PIK3C2G: variants seen among roughly 807,000 people sequenced by gnomAD.
PIK3C2G encodes phosphatidylinositol-4-phosphate 3-kinase catalytic subunit type 2 gamma.
A neutral mutation model predicts 181.1 loss-of-function variants in PIK3C2G; 168 were observed. The observed-to-expected ratio is 0.93, with a 90% CI of 0.82 to 1.05. PIK3C2G has a LOEUF of 1.05. PIK3C2G is among the 50% of genes least tolerant of loss of function. PIK3C2G has a pLI of 0.00. For synonymous variants in PIK3C2G, 573 were observed against 592.2 expected (o/e 0.97, Z 0.47); for missense variants, 1,869 against 1,732.8 (o/e 1.08, Z -1.40).
chr12:18,484,608 C>T (rs1430751728), intron 18 of PIK3C2G, among the ~76,000 whole-genome samples: 11 of 152,110 alleles, frequency 7.2e-5, no homozygotes, highest in Admixed American at 7.2e-4. Context: ...ACAGTTAGTG[C>T]TGCTATTTCT....
At chr12:18,484,029 C>T (rs954907809) in intron 18 of PIK3C2G, among the ~76,000 whole-genome samples, 2 of 152,150 alleles carry the variant, frequency 1.3e-5, no homozygotes, top group Non-Finnish European at 2.9e-5. Flanking sequence ...AAACCGGAGG[C>T]CAAACCAAAT....
the PIK3C2G span, among the ~76,000 whole-genome samples, chr12:18,719,035 T>C: frequency 2.6e-5 from 4 of 152,214 alleles, no homozygotes; most frequent in Non-Finnish European, 4.4e-5. Context: ...GCTTTAGTTA[T>C]AGTATGTGTC....
intron 6 of PIK3C2G, among the ~76,000 whole-genome samples, chr12:18,315,400 A>G (rs1369574277): frequency 2.6e-5 from 4 of 151,374 alleles, no homozygotes; most frequent in African/African-American, 7.3e-5. Flanking sequence ...CAATGTTGAG[A>G]AAAAAAAAGC....
At chr12:18,593,484 G>C (rs1947194507) in intron 29 of PIK3C2G, among the ~76,000 whole-genome samples, 1 of 151,876 alleles carries the variant, frequency 6.6e-6, no homozygotes, top group Non-Finnish European at 1.5e-5. Context: ...AGTAGAAAAA[G>C]CCATTGGACA....
chr12:18,391,305 T>C, intron 15 of PIK3C2G, 53 bp downstream of exon 15: 5 of 1,396,380 alleles, frequency 3.6e-6, no homozygotes, highest in Non-Finnish European at 4.8e-6. Flanking sequence ...TATGATTTCC[T>C]CAATCATTCT....
chr12:18,497,671 T>C lies in PIK3C2G; in HGVS notation c.2939T>C (p.Met980Thr). 5.0e-6 allele frequency: 8 copies of C among 1,612,516 alleles called. No homozygotes were observed. In the South Asian group the frequency reaches 6.6e-5, roughly 13 times the overall value. Residue 980 changes from methionine (M) to threonine (T), a missense_variant, in exon 22 of 33, where the codon ATG (methionine) becomes ACG (threonine). Physicochemically the swap from Met to Thr is moderately conservative, Grantham distance 81. Transcript: ENST00000538779. ...CTTGTTCTGCAGCTTATTCAAGTGA[T>C]GGACAATATTTGGCTGCAGGAAGGC... The part of the protein sequence containing the change: ...DMLVLQLIQV[M>T]DNIWLQEGLD...
rs770653296 is a variant in PIK3C2G, at chr12:18,567,074, T to G, written c.4011+17T>G. The G allele has an allele frequency of 8.9e-6, 10 of 1,123,726 alleles. No individual in the cohort carries two copies. In the African/African-American group the frequency reaches 1.6e-4, roughly 18 times the overall value. 69.6% of individuals were successfully genotyped at this position (1,123,726 alleles called of 1,614,324 possible). A position where few individuals can be genotyped will look rare whatever the true frequency, so the allele number is the denominator to read the frequency against. On this transcript the variant is annotated intron_variant, in intron 29 of 32. Coordinates refer to ENST00000538779, the MANE Select transcript of PIK3C2G (RefSeq NM_001288772.2). ...GTTACAAACGTATGTTATAATTAATTTTTCTATTTTTACATAAAACATCAA... is the reference window on the plus strand; with the variant it reads ...GTTACAAACGTATGTTATAATTAATGTTTCTATTTTTACATAAAACATCAA...
At chr12:18,595,354 C>T (rs1458234569) in intron 30 of PIK3C2G, among the ~76,000 whole-genome samples, 1 of 151,940 alleles carries the variant, frequency 6.6e-6, no homozygotes, top group Non-Finnish European at 1.5e-5. Flanking sequence ...TGAAATCATT[C>T]GAGTGTATTA....
At chr12:18,616,562 A>G (rs1020369522) in intron 31 of PIK3C2G, among the ~76,000 whole-genome samples, 52 of 152,084 alleles carry the variant, frequency 3.4e-4, no homozygotes, top group Admixed American at 8.5e-4. Context: ...AATGTTCAAA[A>G]ACCCTGAACA....
At position 18,346,843 on chromosome 12, in the gene PIK3C2G, G is replaced by C. The variant is rs10770357; in HGVS notation, c.1625+7G>C. 6.3e-6 allele frequency: 10 copies of C among 1,580,928 alleles called. No homozygotes were observed. The highest frequency in any genetic ancestry group is 8.6e-6 in the Non-Finnish European group (10 of 1,160,388). On this transcript the variant is annotated splice_region_variant and intron_variant, in intron 11 of 32. Transcript: ENST00000538779. ...CAGAAACCTGGGTGCACAGGTGAGT[G>C]GTGGTGAGTTTTTCACAAAAGCATT...
intron 18 of PIK3C2G, among the ~76,000 whole-genome samples, chr12:18,428,804 C>T (rs1304643726): frequency 6.6e-6 from 1 of 152,268 alleles, no homozygotes; most frequent in South Asian, 2.1e-4. Flanking sequence ...AAAAGCTTTA[C>T]CTCACAGTTT....
At chr12:18,347,844 T>G (rs1230638657) in intron 11 of PIK3C2G, among the ~76,000 whole-genome samples, 1 of 151,908 alleles carries the variant, frequency 6.6e-6, no homozygotes, top group African/African-American at 2.4e-5. Flanking sequence ...AAAATCAATC[T>G]TTATCTTGAT....
intron 26 of PIK3C2G, among the ~76,000 whole-genome samples, chr12:18,546,767 A>G (rs1385353640): frequency 6.6e-6 from 1 of 152,010 alleles, no homozygotes; most frequent in African/African-American, 2.4e-5. Flanking sequence ...GGAAAAAGAG[A>G]TTTATGATGA....
intron 20 of PIK3C2G, 24 bp from the exon 21 acceptor site, chr12:18,496,038 T>A (rs1186861298): frequency 7.7e-7 from 1 of 1,300,322 alleles, no homozygotes; most frequent in Non-Finnish European, 1.1e-6. Flanking sequence ...TGCTCACTAG[T>A]TTTCCCTTTT....
chr12:18,685,924 T>TA, the PIK3C2G span, among the ~76,000 whole-genome samples: 1 of 150,880 alleles, frequency 6.6e-6, no homozygotes, highest in Non-Finnish European at 1.5e-5. Flanking sequence ...GTTGTCAACA[T>TA]AAAAAAAAGT....
chr12:18,414,180 G>A (rs1399793636), intron 16 of PIK3C2G, among the ~76,000 whole-genome samples: 1 of 152,062 alleles, frequency 6.6e-6, no homozygotes, highest in African/African-American at 2.4e-5. Flanking sequence ...ACTCTTAAAA[G>A]GGCATATGAT....
At chr12:18,327,271 A>G (rs2137512702) in intron 8 of PIK3C2G, among the ~76,000 whole-genome samples, 1 of 152,228 alleles carries the variant, frequency 6.6e-6, no homozygotes. Flanking sequence ...AGACTATGAT[A>G]TTATCAGTTC....
chr12:18,280,158 A>T (rs17475000), intron 1 of PIK3C2G, among the ~76,000 whole-genome samples: 9,075 of 152,096 alleles, frequency 0.06, 400 homozygotes, highest in Non-Finnish European at 0.092. Context: ...TCTCCTAACT[A>T]AAGTGTGGTT....
chr12:18,515,296 A>G (rs571925285), intron 24 of PIK3C2G, among the ~76,000 whole-genome samples: 13 of 152,108 alleles, frequency 8.5e-5, no homozygotes, highest in African/African-American at 3.1e-4. Flanking sequence ...GAGTTTGGTA[A>G]GAATTTGTAT....
Sources: allele counts gnomAD v4.1 joint callset (sites outside exome capture counted in the v4.1 genomes callset), GRCh38; gene constraint gnomAD v4.1.1; transcripts MANE v1.5; gene names NCBI Gene and HGNC (gene_info 2026-07-23, HGNC 2026-07-21).